PDE4D: variants seen among roughly 807,000 people sequenced by gnomAD.
PDE4D encodes the protein phosphodiesterase 4D.
PDE4D carries 24 observed loss-of-function variants against 87.4 expected under a neutral mutation model. The ratio of observed to expected loss-of-function variants is 0.27; its 90% CI spans 0.20 to 0.39. The LOEUF (loss-of-function observed/expected upper bound fraction) is 0.39. Ranked by LOEUF, PDE4D falls within the 10% of genes least tolerant of loss-of-function variation. The probability of loss-of-function intolerance (pLI) is 1.00; values close to 1 mark genes in which losing one functional copy is unlikely to be tolerated. For missense variants in PDE4D, 714 were observed against 1,041.0 expected, an observed-to-expected ratio of 0.69 and a Z score of 4.32; for synonymous variants, 384 against 383.2, an observed-to-expected ratio of 1.00 and a Z score of -0.02.
intron 6 of PDE4D, among the ~76,000 whole-genome samples, chr5:59,018,245 ATGC>A (rs1754430473): frequency 6.6e-6 from 1 of 152,248 alleles, no homozygotes; most frequent in East Asian, 1.9e-4. Context: ...CTGGCTGAGA[ATGC>A]TTTTGGAGAT....
At chr5:59,872,018 C>T (rs1306918551) in intron 1 of PDE4D, among the ~76,000 whole-genome samples, 2 of 152,008 alleles carry the variant, frequency 1.3e-5, no homozygotes, top group South Asian at 4.1e-4. Flanking sequence ...TCATAGATTC[C>T]CCACCTCAAC....
chr5:60,049,030 C>T (rs1769720781), intron 2 of PDE4D, among the ~76,000 whole-genome samples: 2 of 152,200 alleles, frequency 1.3e-5, no homozygotes, highest in Non-Finnish European at 2.9e-5. Context: ...GGTCTTTTCA[C>T]ATAGTCCCAT....
chr5:58,997,798 A>G (rs1196815584), intron 6 of PDE4D, among the ~76,000 whole-genome samples: 1 of 152,108 alleles, frequency 6.6e-6, no homozygotes, highest in Non-Finnish European at 1.5e-5. Flanking sequence ...TCAATACTGT[A>G]TTTTGCTTTT....
chr5:59,147,040 C>G (rs911393953), intron 5 of PDE4D, among the ~76,000 whole-genome samples: 1 of 152,056 alleles, frequency 6.6e-6, no homozygotes, highest in African/African-American at 2.4e-5. Flanking sequence ...ACTGTGCATG[C>G]GAGGCATCTA....
At chr5:59,849,004 C>T (rs1744287744) in intron 1 of PDE4D, among the ~76,000 whole-genome samples, 1 of 151,970 alleles carries the variant, frequency 6.6e-6, no homozygotes, top group Non-Finnish European at 1.5e-5. Context: ...AATTGAGCTG[C>T]CTTTTCATAC....
chr5:59,081,098 G>C (rs1766657639), intron 5 of PDE4D, among the ~76,000 whole-genome samples: 2 of 152,150 alleles, frequency 1.3e-5, no homozygotes, highest in South Asian at 4.1e-4. Context: ...AATGAGGAAA[G>C]AGCATAGAGT....
chr5:59,862,074 C>A (rs1389220557), intron 1 of PDE4D, among the ~76,000 whole-genome samples: 1 of 152,114 alleles, frequency 6.6e-6, no homozygotes, highest in Non-Finnish European at 1.5e-5. Context: ...TCAACACCAC[C>A]CTCCAATCAG....
chr5:60,313,954 C>T (rs533858176), intron 1 of PDE4D, among the ~76,000 whole-genome samples: 1 of 151,944 alleles, frequency 6.6e-6, no homozygotes, highest in Non-Finnish European at 1.5e-5. Context: ...AAATAACAAC[C>T]ATCTATAACA....
chr5:59,428,997 A>G lies in PDE4D; in HGVS notation c.456-213029T>C, dbSNP rs192266955. ...CTTGTAAAATACACTGTGATGCCCA[A>G]TTTTAAGCCTAAATAGGTATATGTC... is the stretch of plus-strand genomic sequence containing the variant. On this transcript the variant is annotated intron_variant, in intron 1 of 14. Transcript: ENST00000340635. Among the ~76,000 whole-genome samples the G allele has an allele frequency of 1.6e-3, 251 of 152,284 alleles. 1 individual carries two copies. Among genetic ancestry groups the G allele is most frequent in the African/African-American group, 5.8e-3 (242 of 41,566 alleles).
intron 2 of PDE4D, among the ~76,000 whole-genome samples, chr5:60,037,098 C>A (rs1015486834): frequency 6.6e-5 from 10 of 152,070 alleles, no homozygotes; most frequent in African/African-American, 2.4e-4. Context: ...ATAGGATACG[C>A]ATATGGTTTT....
At chr5:60,508,606 T>A (rs1750424874) in intron 1 of PDE4D, among the ~76,000 whole-genome samples, 1 of 152,200 alleles carries the variant, frequency 6.6e-6, no homozygotes, top group African/African-American at 2.4e-5. Context: ...TTTGTGGCAG[T>A]TACATTCTAT....
chr5:59,708,965 C>T (rs1753827337), intron 1 of PDE4D, among the ~76,000 whole-genome samples: 1 of 150,214 alleles, frequency 6.7e-6, no homozygotes, highest in South Asian at 2.1e-4. Context: ...TTTTCAGCAA[C>T]ACTCATGCCA....
At chr5:60,327,538 G>A (rs73106759) in intron 1 of PDE4D, among the ~76,000 whole-genome samples, 8,367 of 152,106 alleles carry the variant, frequency 0.055, 767 homozygotes, top group African/African-American at 0.19. Context: ...ATTCTGGGGT[G>A]CATATTCTGC....
In PDE4D at chr5:59,438,200, T is replaced by C. The variant is rs560414201; in HGVS notation, c.456-222232A>G. Among the ~76,000 whole-genome samples, 6 of 152,288 alleles carry C rather than the reference T, an allele frequency of 3.9e-5. 1 individual carries two copies. The South Asian group carries it at 1.2e-3, about 32-fold the overall frequency. ...ATGGGAACTAGGATTCAAGATGAGA[T>C]ATGGGTGGGTACACAGCCAAATCAT... On this transcript the variant is annotated intron_variant, in intron 1 of 14. Coordinates refer to ENST00000340635, the MANE Select transcript of PDE4D (RefSeq NM_001104631.2).
At chr5:59,567,972 C>A (rs2153694446) in intron 1 of PDE4D, among the ~76,000 whole-genome samples, 1 of 152,182 alleles carries the variant, frequency 6.6e-6, no homozygotes, top group Admixed American at 6.5e-5. Flanking sequence ...CCAAGAAGGC[C>A]AAAAGGAAAT....
chr5:59,997,888 G>A (rs1437193636), intron 2 of PDE4D, among the ~76,000 whole-genome samples: 1 of 152,160 alleles, frequency 6.6e-6, no homozygotes, highest in Non-Finnish European at 1.5e-5. Context: ...TACAGATTTG[G>A]AAATGAAGCT....
chr5:60,015,553 T>G (rs1299006053), intron 2 of PDE4D, among the ~76,000 whole-genome samples: 1 of 152,174 alleles, frequency 6.6e-6, no homozygotes, highest in Non-Finnish European at 1.5e-5. Flanking sequence ...ACAGAGAGTA[T>G]GATGATTAAC....
intron 1 of PDE4D, among the ~76,000 whole-genome samples, chr5:60,511,979 C>T (rs1307578736): frequency 6.6e-6 from 1 of 152,082 alleles, no homozygotes; most frequent in South Asian, 2.1e-4. Context: ...CCAATATGCT[C>T]AGTAGGAAGG....
intron 1 of PDE4D, among the ~76,000 whole-genome samples, chr5:59,762,196 ACACATATGCGTATATGTGTATAT>A (rs1227607788): frequency 7.2e-6 from 1 of 139,850 alleles, no homozygotes; most frequent in Non-Finnish European, 1.6e-5. Flanking sequence ...GTATATGGGT[ACACATATGCGTATATGTGTATAT>A]GGGTACACAT....
Sources: allele counts gnomAD v4.1 joint callset (sites outside exome capture counted in the v4.1 genomes callset), GRCh38; gene constraint gnomAD v4.1.1; transcripts MANE v1.5; gene names NCBI Gene and HGNC (gene_info 2026-07-23, HGNC 2026-07-21).